FMN2: variants seen among roughly 807,000 people sequenced by gnomAD.
FMN2 encodes the protein formin-2.
A neutral mutation model predicts 142.3 loss-of-function variants in FMN2; 51 were observed. The ratio of observed to expected loss-of-function variants is 0.36; its 90% CI spans 0.29 to 0.45. The LOEUF (loss-of-function observed/expected upper bound fraction) is 0.45. Ranked by LOEUF, FMN2 falls within the 20% of genes least tolerant of loss-of-function variation. The pLI, the probability that FMN2 is intolerant of heterozygous loss-of-function variation, is 1.00. For synonymous variants in FMN2, 882 were observed against 869.8 expected (o/e 1.01, Z -0.25); for missense variants, 1,936 against 2,122.8 (o/e 0.91, Z 1.73).
intron 2 of FMN2, among the ~76,000 whole-genome samples, chr1:240,126,160 G>T (rs1304870008): frequency 6.6e-6 from 1 of 152,178 alleles, no homozygotes; most frequent in Non-Finnish European, 1.5e-5. Context: ...GATACAGGGG[G>T]TTCTGAGGAC....
intron 4 of FMN2, among the ~76,000 whole-genome samples, chr1:240,189,137 C>T (rs112407446): frequency 6.3e-4 from 93 of 147,522 alleles, no homozygotes; most frequent in African/African-American, 2.0e-3. Context: ...TTTTTTCTTA[C>T]GCTAAAATGC....
intron 15 of FMN2, among the ~76,000 whole-genome samples, chr1:240,434,728 A>T (rs1572307051): frequency 1.5e-5 from 2 of 130,746 alleles, no homozygotes; most frequent in Non-Finnish European, 3.2e-5. Flanking sequence ...CACCCTGCTA[A>T]TTTTTTTTTT....
chr1:240,233,375 A>G (rs567900928), intron 6 of FMN2, among the ~76,000 whole-genome samples: 10 of 145,432 alleles, frequency 6.9e-5, no homozygotes, highest in South Asian at 2.2e-4. Context: ...ACAGAGCGAG[A>G]CTTCATCTCA....
chr1:240,115,529 G>T (rs1661988003), intron 1 of FMN2, among the ~76,000 whole-genome samples: 1 of 152,172 alleles, frequency 6.6e-6, no homozygotes, highest in Non-Finnish European at 1.5e-5. Flanking sequence ...TTCCTTGTCG[G>T]TGCTGATGCC....
At chr1:240,180,808 C>T (rs1665119162) in intron 3 of FMN2, among the ~76,000 whole-genome samples, 3 of 152,004 alleles carry the variant, frequency 2.0e-5, no homozygotes, top group Admixed American at 2.0e-4. Context: ...CTCAAGTGAT[C>T]TGCCCGCCTC....
At chr1:240,266,150 G>A (rs1345625361) in intron 7 of FMN2, among the ~76,000 whole-genome samples, 1 of 149,104 alleles carries the variant, frequency 6.7e-6, no homozygotes, top group Non-Finnish European at 1.5e-5. Flanking sequence ...GTACTAAGAA[G>A]AGTACTCAAT....
chr1:240,108,251 G>A (rs929903315), intron 1 of FMN2, among the ~76,000 whole-genome samples: 12 of 152,258 alleles, frequency 7.9e-5, no homozygotes, highest in Middle Eastern at 3.4e-3. Flanking sequence ...TGGATTTCAC[G>A]TTTGTTTTCT....
intron 15 of FMN2, among the ~76,000 whole-genome samples, chr1:240,412,876 G>A (rs542932066): frequency 1.7e-4 from 26 of 151,848 alleles, no homozygotes; most frequent in African/African-American, 5.3e-4. Flanking sequence ...AAATCCCAGC[G>A]CTTTGGGAGG....
At chr1:240,434,943 T>G (rs984181251) in intron 15 of FMN2, among the ~76,000 whole-genome samples, 1 of 152,024 alleles carries the variant, frequency 6.6e-6, no homozygotes, top group African/African-American at 2.4e-5. Flanking sequence ...ATAATTCTTC[T>G]GGACACTCTA....
intron 1 of FMN2, among the ~76,000 whole-genome samples, chr1:240,099,259 C>T (rs1381198706): frequency 6.6e-6 from 1 of 151,824 alleles, no homozygotes; most frequent in Non-Finnish European, 1.5e-5. Flanking sequence ...GTATACAAAA[C>T]TTAGCAGGAT....
intron 7 of FMN2, among the ~76,000 whole-genome samples, chr1:240,266,857 C>T (rs1380473065): frequency 6.6e-6 from 1 of 152,016 alleles, no homozygotes; most frequent in Non-Finnish European, 1.5e-5. Flanking sequence ...AAAGGACTCC[C>T]TATTTAATAA....
At chr1:240,419,124 T>C (rs913271444) in intron 15 of FMN2, among the ~76,000 whole-genome samples, 1 of 152,050 alleles carries the variant, frequency 6.6e-6, no homozygotes, top group African/African-American at 2.4e-5. Flanking sequence ...ATAAAAAATA[T>C]AAATATAAAT....
intron 2 of FMN2, among the ~76,000 whole-genome samples, chr1:240,139,693 C>T (rs964591544): frequency 1.3e-5 from 2 of 152,158 alleles, no homozygotes; most frequent in African/African-American, 4.8e-5. Context: ...TCCAGTGGAG[C>T]GCTGAGAGCG....
chr1:240,148,482 AAG>A (rs1393708970), intron 2 of FMN2, among the ~76,000 whole-genome samples: 55 of 135,338 alleles, frequency 4.1e-4, no homozygotes, highest in South Asian at 2.9e-3. Context: ...GAGAAAGAAA[AAG>A]AGAGAGAGAA....
Position 240,122,091 on chromosome 1 carries a change from T to A in FMN2, c.1616-1088T>A, listed in dbSNP as rs374807252. Among the ~76,000 whole-genome samples the A allele has an allele frequency of 2.8e-3, 306 of 107,698 alleles. 2 individuals carry two copies. Among genetic ancestry groups the A allele is most frequent in the Non-Finnish European group, 5.6e-3 (255 of 45,444 alleles). The allele number at this position is 107,698 out of a possible 152,430, so 70.7% of individuals were successfully genotyped here. ...TAATTAATTAATTTATTTATTTATTTATGAATTATTTTTTGAGACAGGCAA... is the reference window on the plus strand; with the variant it reads ...TAATTAATTAATTTATTTATTTATTAATGAATTATTTTTTGAGACAGGCAA... On this transcript the variant is annotated intron_variant, in intron 1 of 17. Transcript: ENST00000319653.
At chr1:240,186,735 T>C (rs867566601) in intron 3 of FMN2, among the ~76,000 whole-genome samples, 1 of 152,100 alleles carries the variant, frequency 6.6e-6, no homozygotes, top group Non-Finnish European at 1.5e-5. Flanking sequence ...GTGGCTGGCC[T>C]GGTGAGCAAG....
chr1:240,264,431 T>C (rs1668728034), intron 7 of FMN2, among the ~76,000 whole-genome samples: 1 of 152,332 alleles, frequency 6.6e-6, no homozygotes, highest in East Asian at 1.9e-4. Flanking sequence ...GTGCAGAATG[T>C]GCAGATTTGC....
Position 240,187,102 on chromosome 1 carries a change from C to CAA in FMN2, c.1931-1088_1931-1087dup, listed in dbSNP as rs35262264. Among the ~76,000 whole-genome samples the CAA allele has an allele frequency of 2.9e-3, 344 of 117,352 alleles. 3 individuals are homozygous for CAA. The highest frequency in any genetic ancestry group is 0.027 in the South Asian group (97 of 3,532). 77.0% of individuals were successfully genotyped at this position (117,352 alleles called of 152,430 possible). ...CAACATGGTGAAACCCCGTCTGTAC[C>CAA]AAAAAAAAAAAAAAAAAATTAGCTG... On this transcript the variant is annotated intron_variant, in intron 3 of 17. Transcript: ENST00000319653.
intron 7 of FMN2, among the ~76,000 whole-genome samples, chr1:240,272,252 C>A (rs1669042096): frequency 6.6e-6 from 1 of 152,034 alleles, no homozygotes; most frequent in Non-Finnish European, 1.5e-5. Flanking sequence ...TGTCCAGGAC[C>A]ACATGGAGCA....
Sources: gnomAD v4.1 joint callset for allele counts (sites outside exome capture counted in the v4.1 genomes callset) on GRCh38, gnomAD v4.1.1 for gene constraint, MANE v1.5 for transcripts, NCBI Gene and HGNC (gene_info 2026-07-23, HGNC 2026-07-21) for gene names.